The following SUMF1 variants were observed in gnomAD, a reference collection of about 807,000 sequenced individuals.
The protein encoded by SUMF1 is sulfatase modifying factor 1.
Under a neutral mutation model 47.6 loss-of-function variants are expected in SUMF1, and 48 were observed. The observed-to-expected ratio is 1.01, with a 90% CI of 0.80 to 1.28. The LOEUF (loss-of-function observed/expected upper bound fraction) is 1.28. Among genes scored for constraint, SUMF1 ranks in the 50% most tolerant of loss-of-function variants. The pLI, the probability that SUMF1 is intolerant of heterozygous loss-of-function variation, is 0.00. For synonymous variants in SUMF1, 230 were observed against 192.1 expected (o/e 1.20, Z -1.63); for missense variants, 571 against 485.4 (o/e 1.18, Z -1.66).
At chr3:4,435,120 T>C (rs1243750264) in intron 3 of SUMF1, among the ~76,000 whole-genome samples, 1 of 152,014 alleles carries the variant, frequency 6.6e-6, no homozygotes, top group Non-Finnish European at 1.5e-5. Flanking sequence ...AGAGATGGGG[T>C]TTCACCACGT....
At chr3:4,369,992 G>C (rs1700120698) in intron 8 of SUMF1, among the ~76,000 whole-genome samples, 1 of 152,136 alleles carries the variant, frequency 6.6e-6, no homozygotes, top group African/African-American at 2.4e-5. Flanking sequence ...AAACAAGATA[G>C]CTGTTATCAG....
At chr3:4,190,529 G>T (rs75162929) in intron 8 of SUMF1, among the ~76,000 whole-genome samples, 9 of 143,322 alleles carry the variant, frequency 6.3e-5, no homozygotes, top group Non-Finnish European at 1.5e-5. Context: ...AGCTCTGTGG[G>T]CCTGTTTAGC....
chr3:4,298,558 A>T (rs1697905145), intron 8 of SUMF1, among the ~76,000 whole-genome samples: 2 of 152,222 alleles, frequency 1.3e-5, no homozygotes, highest in Non-Finnish European at 2.9e-5. Context: ...ACCAAGAAAG[A>T]GTCAAAAACT....
intron 7 of SUMF1, among the ~76,000 whole-genome samples, chr3:4,407,085 GACACACAC>G (rs113556805): frequency 9.4e-5 from 14 of 148,658 alleles, no homozygotes; most frequent in South Asian, 4.3e-4. Context: ...ACACACATGG[GACACACAC>G]ACACACACAC....
chr3:4,230,356 G>T (rs58765750), intron 8 of SUMF1, among the ~76,000 whole-genome samples: 5,868 of 152,108 alleles, frequency 0.039, 335 homozygotes, highest in African/African-American at 0.13. Flanking sequence ...CCAACAGTTT[G>T]GTCTGTCTTG....
chr3:4,407,485 C>G (rs1159927027), intron 7 of SUMF1, among the ~76,000 whole-genome samples: 1 of 152,160 alleles, frequency 6.6e-6, no homozygotes, highest in Non-Finnish European at 1.5e-5. Context: ...AATGTCTCTT[C>G]TAACCAGCCT....
At chr3:4,208,007 A>G (rs1695691183) in intron 8 of SUMF1, among the ~76,000 whole-genome samples, 2 of 152,194 alleles carry the variant, frequency 1.3e-5, no homozygotes. Context: ...CTCATGGTGA[A>G]TATCTAGGAA....
chr3:4,240,771 G>A (rs1218615273), intron 8 of SUMF1, among the ~76,000 whole-genome samples: 1 of 151,578 alleles, frequency 6.6e-6, no homozygotes, highest in African/African-American at 2.4e-5. Flanking sequence ...TATACCAAAT[G>A]TCATCATTAA....
At chr3:4,366,567 C>T (rs997150532) in intron 8 of SUMF1, among the ~76,000 whole-genome samples, 3 of 150,028 alleles carry the variant, frequency 2.0e-5, no homozygotes, top group Admixed American at 6.7e-5. Flanking sequence ...TCAGCTCCAT[C>T]AGCTCCTTTA....
intron 8 of SUMF1, among the ~76,000 whole-genome samples, chr3:4,369,912 A>G (rs1700118720): frequency 1.3e-5 from 2 of 152,178 alleles, no homozygotes. Context: ...TTAATTATTC[A>G]CTGAATATAT....
intron 8 of SUMF1, among the ~76,000 whole-genome samples, chr3:4,250,710 C>T (rs888420872): frequency 6.6e-6 from 1 of 151,972 alleles, no homozygotes; most frequent in Non-Finnish European, 1.5e-5. Flanking sequence ...AATCTTAGGG[C>T]CCTTAAGAAT....
intron 8 of SUMF1, among the ~76,000 whole-genome samples, chr3:4,345,861 C>CA (rs945658169): frequency 7.4e-5 from 11 of 148,112 alleles, no homozygotes; most frequent in Admixed American, 2.7e-4. Context: ...AAATGGAAAG[C>CA]AAAAAAAAAG....
At chr3:4,243,436 T>C (rs1696590350) in intron 8 of SUMF1, among the ~76,000 whole-genome samples, 1 of 152,240 alleles carries the variant, frequency 6.6e-6, no homozygotes, top group Non-Finnish European at 1.5e-5. Context: ...GCTTTAAATG[T>C]GTCCCAGAGA....
chr3:4,110,197 C>T (rs1451227896), intron 8 of SUMF1, among the ~76,000 whole-genome samples: 1 of 152,074 alleles, frequency 6.6e-6, no homozygotes, highest in Non-Finnish European at 1.5e-5. Flanking sequence ...CACTCCAGAC[C>T]CTGTTTGCCT....
intron 8 of SUMF1, among the ~76,000 whole-genome samples, chr3:4,271,472 TAG>T (rs879908654): frequency 4.0e-5 from 3 of 75,458 alleles, no homozygotes; most frequent in South Asian, 8.4e-4. Flanking sequence ...TATCTATAGA[TAG>T]ATAGATAGAT....
chr3:4,286,487 T>C (rs893449713), intron 8 of SUMF1, among the ~76,000 whole-genome samples: 7 of 152,122 alleles, frequency 4.6e-5, no homozygotes, highest in Admixed American at 2.0e-4. Flanking sequence ...AAACAACTTA[T>C]TTGAAGAAAG....
chr3:4,047,086 C>T (rs75913594), intron 9 of SUMF1, among the ~76,000 whole-genome samples: 2,086 of 152,156 alleles, frequency 0.014, 49 homozygotes, highest in African/African-American at 0.047. Flanking sequence ...CTTTTCACTC[C>T]CGGAACACTC....
At chr3:4,095,207 G>C (rs575996046) in intron 8 of SUMF1, among the ~76,000 whole-genome samples, 1 of 152,190 alleles carries the variant, frequency 6.6e-6, no homozygotes, top group South Asian at 2.1e-4. Context: ...AGGGTAGACT[G>C]TATCTATGGT....
chr3:4,385,623 G>T (rs1371864620), intron 7 of SUMF1, among the ~76,000 whole-genome samples: 2 of 152,162 alleles, frequency 1.3e-5, no homozygotes, highest in African/African-American at 4.8e-5. Flanking sequence ...AGAAGTTCTA[G>T]TTTTTATAAA....
Sources: gnomAD v4.1 joint callset for allele counts (sites outside exome capture counted in the v4.1 genomes callset) on GRCh38, gnomAD v4.1.1 for gene constraint, MANE v1.5 for transcripts, NCBI Gene and HGNC (gene_info 2026-07-23, HGNC 2026-07-21) for gene names.